MYH11: variants seen among roughly 807,000 people sequenced by gnomAD.
MYH11 encodes the protein myosin heavy chain 11.
In MYH11, 80 loss-of-function variants were observed where a neutral mutation model predicts 246.6. That is an observed-to-expected ratio of 0.32 (90% CI 0.27 to 0.39). The LOEUF (loss-of-function observed/expected upper bound fraction) is 0.39, where lower values mean the gene tolerates loss of function less well. MYH11 is among the 10% of genes least tolerant of loss of function. MYH11 has a pLI of 1.00. For synonymous variants in MYH11, 1,071 were observed against 1,015.5 expected (o/e 1.05, Z -1.04); for missense variants, 2,158 against 2,546.8 (o/e 0.85, Z 3.29).
At chr16:15,825,895 G>T (rs1035011463) in intron 2 of MYH11, among the ~76,000 whole-genome samples, 5 of 151,954 alleles carry the variant, frequency 3.3e-5, no homozygotes, top group Non-Finnish European at 2.9e-5. Flanking sequence ...CATCAGTACT[G>T]CCCAAGACTC....
rs536479840 is a variant in MYH11 at position 15,705,606 on chromosome 16, G to C, written c.5787-1483C>G. Among the ~76,000 whole-genome samples the C allele has an allele frequency of 3.9e-5, 6 of 152,250 alleles. No homozygotes were observed. In the East Asian group the frequency reaches 9.7e-4, roughly 25 times the overall value. ...TCTTATTTTAGGACATCAAAGAAGA[G>C]AGCAGACTTTTGCTCCCCACGCAAG... is the stretch of plus-strand genomic sequence containing the variant. On this transcript the variant is annotated intron_variant, in intron 40 of 40. Transcript: ENST00000300036.
At chr16:15,709,151 A>G (rs976662423) in intron 40 of MYH11, among the ~76,000 whole-genome samples, 1 of 151,198 alleles carries the variant, frequency 6.6e-6, no homozygotes, top group African/African-American at 2.4e-5. Context: ...TATGTTGGTC[A>G]GGCTTGTCTC....
At chr16:15,717,443 C>CTCGTGCA in intron 37 of MYH11, 95 bp from the exon 38 acceptor site, 1 of 1,325,438 alleles carries the variant, frequency 7.5e-7, no homozygotes, top group Non-Finnish European at 1.1e-6. Flanking sequence ...GGCCTCTGCA[C>CTCGTGCA]GAGTCCCTTG....
intron 19 of MYH11, among the ~76,000 whole-genome samples, chr16:15,747,105 G>A (rs904357794): frequency 6.6e-6 from 1 of 151,822 alleles, no homozygotes; most frequent in African/African-American, 2.4e-5. Flanking sequence ...CAAAAAGGAA[G>A]AAGAAAGGAA....
intron 2 of MYH11, among the ~76,000 whole-genome samples, chr16:15,829,773 C>A (rs539820374): frequency 1.3e-5 from 2 of 152,086 alleles, no homozygotes; most frequent in African/African-American, 2.4e-5. Flanking sequence ...GGGGTGCTCC[C>A]GGGGCCTGCA....
chr16:15,850,616 G>A (rs780473537), intron 1 of MYH11, among the ~76,000 whole-genome samples: 3 of 152,082 alleles, frequency 2.0e-5, no homozygotes, highest in Non-Finnish European at 2.9e-5. Flanking sequence ...ACCATGCAGG[G>A]TTCAGCACTG....
At chr16:15,732,521 C>G in intron 27 of MYH11, 43 bp downstream of exon 27, 1 of 1,614,140 alleles carries the variant, frequency 6.2e-7, no homozygotes, top group Non-Finnish European at 8.5e-7. Context: ...GCTGATGTCA[C>G]TCTTATGTGT....
In MYH11 at chr16:15,757,895, C is replaced by T. The variant is rs1319218209; in HGVS notation, c.1507G>A (p.Gly503Ser). 6.2e-7 allele frequency: 1 copy of T among 1,614,064 alleles called. No individual in the cohort carries two copies. Among genetic ancestry groups the T allele is most frequent in the Non-Finnish European group, 8.5e-7 (1 of 1,180,044 alleles). Residue 503 changes from glycine (G) to serine (S), a missense_variant, in exon 13 of 41, where the codon GGC (glycine) becomes AGC (serine). By Grantham distance (56) the Gly-to-Ser change is moderately conservative. Transcript: ENST00000300036. ...AAGTCGATGAAGTTCCACTCGATGC[C>T]CTCGCGCTGGTACTCCTCCTGCTCC... The part of the protein sequence containing the change: ...ILEQEEYQRE[G>S]IEWNFIDFGL...
rs1345711998 is a variant in MYH11 at position 15,719,667 on chromosome 16, G to A, written c.5000C>T (p.Ser1667Phe). 6.2e-7 allele frequency: 1 copy of A among 1,614,168 alleles called. No homozygotes were observed. Among genetic ancestry groups the A allele is most frequent in the Admixed American group, 1.7e-5 (1 of 60,022 alleles). Residue 1667 changes from serine (S) to phenylalanine (F), a missense_variant, in exon 35 of 41, where the codon TCC becomes TTC. By Grantham distance (155) the Ser-to-Phe change is radical. Transcript: ENST00000300036. Reference protein sequence around the residue: ...FQRELEDARASRDEIFATAKE... With the variant: ...FQRELEDARAFRDEIFATAKE... Reference sequence around the variant, plus strand: ...GGCTGTGGCAAAGATCTCATCTCTGGAGGCACGGGCATCTTCCAGCTCTCT... The same window carrying A: ...GGCTGTGGCAAAGATCTCATCTCTGAAGGCACGGGCATCTTCCAGCTCTCT...
chr16:15,712,157 AAG>A (rs1164167616), intron 40 of MYH11, among the ~76,000 whole-genome samples: 1 of 152,192 alleles, frequency 6.6e-6, no homozygotes, highest in Admixed American at 6.5e-5. Flanking sequence ...TTTGGGGGTG[AAG>A]AGTTTCAGTC....
At chr16:15,856,040 G>A (rs1342713764) in intron 1 of MYH11, among the ~76,000 whole-genome samples, 1 of 152,128 alleles carries the variant, frequency 6.6e-6, no homozygotes, top group Non-Finnish European at 1.5e-5. Context: ...ACAGGCAGTA[G>A]CCACACTTTC....
At chr16:15,789,347 C>T (rs929609215) in intron 4 of MYH11, among the ~76,000 whole-genome samples, 8 of 152,168 alleles carry the variant, frequency 5.3e-5, no homozygotes, top group African/African-American at 1.9e-4. Flanking sequence ...TTTGGGCTCA[C>T]AGATCTTTTC....
At chr16:15,806,857 G>A (rs1454980844) in intron 3 of MYH11, among the ~76,000 whole-genome samples, 2 of 152,130 alleles carry the variant, frequency 1.3e-5, no homozygotes, top group Non-Finnish European at 1.5e-5. Flanking sequence ...AGGCAACCAA[G>A]GTAGAAGCAA....
chr16:15,757,505 T>G (rs2041755620), intron 13 of MYH11, among the ~76,000 whole-genome samples: 1 of 36,612 alleles, frequency 2.7e-5, no homozygotes, highest in African/African-American at 1.6e-4. Flanking sequence ...TCAGACCATG[T>G]CATAAAAAAA....
intron 2 of MYH11, among the ~76,000 whole-genome samples, chr16:15,825,111 A>C (rs2043525118): frequency 6.6e-6 from 1 of 152,088 alleles, no homozygotes; most frequent in Non-Finnish European, 1.5e-5. Context: ...AAAGTCACGT[A>C]CTCTATCATC....
At chr16:15,712,881 A>ATTTTTTTTTTTTTTTTTTTTT (rs1567680172) in intron 40 of MYH11, 2 of 65,914 alleles carry the variant, frequency 3.0e-5, no homozygotes, top group African/African-American at 2.0e-4. Context: ...CTTCACATAC[A>ATTTTTTTTTTTTTTTTTTTTT]GTTTTTTTTT....
At chr16:15,746,207 G>A (rs192162178) in intron 19 of MYH11, among the ~76,000 whole-genome samples, 1 of 152,032 alleles carries the variant, frequency 6.6e-6, no homozygotes, top group East Asian at 1.9e-4. Context: ...GATTACAGGT[G>A]TCAGCTACCA....
At chr16:15,822,147 C>T (rs572366905) in intron 3 of MYH11, among the ~76,000 whole-genome samples, 2 of 152,274 alleles carry the variant, frequency 1.3e-5, no homozygotes, top group Non-Finnish European at 2.9e-5. Flanking sequence ...GGGGCGGGGT[C>T]GTGGCATCTC....
At chr16:15,718,743 C>T in intron 36 of MYH11, 1 of 498,492 alleles carries the variant, frequency 2.0e-6, no homozygotes, top group Non-Finnish European at 3.6e-6. Flanking sequence ...CAGCCACACC[C>T]CCAAACAGGC....
Sources: allele counts gnomAD v4.1 joint callset (sites outside exome capture counted in the v4.1 genomes callset), GRCh38; gene constraint gnomAD v4.1.1; transcripts MANE v1.5; gene names NCBI Gene and HGNC (gene_info 2026-07-23, HGNC 2026-07-21).